Variants in DSC1 observed in about 807,000 individuals in gnomAD.
The protein encoded by DSC1 is desmocollin-1.
Under a neutral mutation model 98.8 loss-of-function variants are expected in DSC1, and 79 were observed. The ratio of observed to expected loss-of-function variants is 0.80; its 90% CI spans 0.67 to 0.96. The LOEUF is 0.96. DSC1 is among the 50% of genes least tolerant of loss of function. DSC1 has a pLI of 0.00. For synonymous variants in DSC1, 405 were observed against 372.1 expected (o/e 1.09, Z -1.02); for missense variants, 1,115 against 1,075.9 (o/e 1.04, Z -0.51).
At chr18:31,134,247 T>C (rs901222869) in intron 12 of DSC1, 117 bp from the exon 13 acceptor site, 28 of 1,356,942 alleles carry the variant, frequency 2.1e-5, no homozygotes, top group Non-Finnish European at 2.6e-5. Flanking sequence ...AATTTTTCTT[T>C]TTTTTTTTGA....
intron 5 of DSC1, among the ~76,000 whole-genome samples, chr18:31,154,568 C>A (rs1598628757): frequency 1.3e-5 from 2 of 152,158 alleles, no homozygotes; most frequent in South Asian, 2.1e-4. Flanking sequence ...GTTATATTTT[C>A]TTTACCTCCC....
At chr18:31,134,947 T>C (rs1213996883) in intron 11 of DSC1, among the ~76,000 whole-genome samples, 163 bp from the exon 12 acceptor site, 2 of 152,150 alleles carry the variant, frequency 1.3e-5, no homozygotes, top group African/African-American at 2.4e-5. Context: ...AATAGGGACA[T>C]GTCACTTTTC....
chr18:31,147,617 A>G (rs755342297), intron 6 of DSC1, among the ~76,000 whole-genome samples: 37 of 152,148 alleles, frequency 2.4e-4, no homozygotes, highest in Admixed American at 7.2e-4. Flanking sequence ...GCAAAAATCT[A>G]GTGTTTTCCT....
intron 5 of DSC1, among the ~76,000 whole-genome samples, chr18:31,150,421 GCTACCACTATTACCATCACCACCACTAC>G (rs1988973776): frequency 2.5e-4 from 1 of 4,068 alleles, no homozygotes; most frequent in Non-Finnish European, 5.0e-4. Flanking sequence ...CATCATCACT[GCTACCACTATTACCATCACCACCACTAC>G]CACCACCACC....
intron 7 of DSC1, among the ~76,000 whole-genome samples, chr18:31,144,103 T>C (rs1988793230): frequency 6.6e-6 from 1 of 151,726 alleles, no homozygotes; most frequent in Admixed American, 6.6e-5. Context: ...AGAGACAGGG[T>C]TTTACTGTGT....
rs1567994476 is a variant in DSC1, at chr18:31,130,332, G to A, written c.*182C>T. ...TTAACAAACAAAACCTTGATTTCTA[G>A]AGAACATGGAAGTTATACCAGACAA... On this transcript the variant is annotated 3_prime_UTR_variant, in exon 16 of 16. Transcript: ENST00000257198. 1.5e-6 allele frequency: 1 copy of A among 663,988 alleles called. No homozygotes were observed. The highest frequency in any genetic ancestry group is 2.7e-5 in the East Asian group (1 of 36,484). 41.1% of individuals were successfully genotyped at this position (663,988 alleles called of 1,614,324 possible).
chr18:31,148,741 ATC>A, intron 5 of DSC1, 99 bp from the exon 6 acceptor site: 5 of 1,194,684 alleles, frequency 4.2e-6, no homozygotes, highest in Non-Finnish European at 5.7e-6. Context: ...AAAAAAAAAA[ATC>A]ATTCCCAAAG....
rs1988791486 is a variant in DSC1, at chr18:31,143,999, T to C, written c.940-208A>G. Among the ~76,000 whole-genome samples, 3 of 152,206 alleles carry C rather than the reference T, an allele frequency of 2.0e-5. No individual in the cohort carries two copies. The South Asian group carries it at 6.2e-4, about 32-fold the overall frequency. On this transcript the variant is annotated intron_variant, in intron 7 of 15. Coordinates refer to ENST00000257198, the MANE Select transcript of DSC1 (RefSeq NM_024421.2). ...ATCTTGGCTCACAGCAACCTCTGCCTCCCAGGTTCAAGCAATTCTCCTACC... is the reference window on the plus strand; with the variant it reads ...ATCTTGGCTCACAGCAACCTCTGCCCCCCAGGTTCAAGCAATTCTCCTACC...
chr18:31,160,324 AACTGCTT>A (rs1989186042), intron 1 of DSC1, among the ~76,000 whole-genome samples: 1 of 152,316 alleles, frequency 6.6e-6, no homozygotes, highest in South Asian at 2.1e-4. Context: ...TTATCAAAAT[AACTGCTT>A]TTTTATTATT....
intron 11 of DSC1, among the ~76,000 whole-genome samples, chr18:31,139,238 A>T (rs1196882922): frequency 6.6e-6 from 1 of 152,152 alleles, no homozygotes; most frequent in Admixed American, 6.6e-5. Context: ...ATTGCAAATC[A>T]CCATAAAAGA....
intron 10 of DSC1, 51 bp from the exon 11 acceptor site, chr18:31,139,941 T>C: frequency 1.3e-6 from 2 of 1,565,510 alleles, no homozygotes; most frequent in Non-Finnish European, 1.7e-6. Flanking sequence ...AGGGACATGA[T>C]CTTAAAATCT....
At chr18:31,137,221 C>T (rs568140875) in intron 11 of DSC1, among the ~76,000 whole-genome samples, 113 of 152,154 alleles carry the variant, frequency 7.4e-4, no homozygotes, top group Admixed American at 1.2e-3. Flanking sequence ...CTAATGATTT[C>T]CTGTAATTTG....
chr18:31,162,410 G>C, intron 1 of DSC1, 122 bp downstream of exon 1: 1 of 911,430 alleles, frequency 1.1e-6, no homozygotes, highest in Non-Finnish European at 1.7e-6. Flanking sequence ...ATCTGCTTTT[G>C]TTTTCCCCAA....
At chr18:31,152,747 C>T (rs1989025489) in intron 5 of DSC1, among the ~76,000 whole-genome samples, 1 of 151,990 alleles carries the variant, frequency 6.6e-6, no homozygotes, top group Admixed American at 6.6e-5. Flanking sequence ...TTAGGATCTA[C>T]CAATTCCCAG....
At chr18:31,151,974 G>A (rs572283640) in intron 5 of DSC1, among the ~76,000 whole-genome samples, 4 of 152,058 alleles carry the variant, frequency 2.6e-5, no homozygotes, top group South Asian at 2.1e-4. Flanking sequence ...CCAGCCTGGC[G>A]AACATGGTGG....
chr18:31,137,442 T>C (rs1988635193), intron 11 of DSC1, among the ~76,000 whole-genome samples: 1 of 152,166 alleles, frequency 6.6e-6, no homozygotes. Flanking sequence ...CAGTGAAATG[T>C]ATAACGTGGA....
In DSC1 at chr18:31,157,437, G is replaced by A. The variant is rs770260276; in HGVS notation, c.285C>T (p.Phe95=). The A allele has an allele frequency of 2.3e-5, 37 of 1,614,144 alleles. 1 individual carries two copies. The South Asian group carries it at 2.4e-4, about 11-fold the overall frequency. The part of the protein sequence containing the change: ...LSSERKSFSI[F]LSDGQRREQQ... ...GTTCCCGTCTCTGACCATCTGAAAG[G>A]AAAATGGAAAAACTTTTCCTTTCAG... The change falls in exon 3 of 16, where the codon TTC becomes TTT. Residue 95 remains phenylalanine, a synonymous_variant. Coordinates refer to ENST00000257198, the MANE Select transcript of DSC1 (RefSeq NM_024421.2).
At chr18:31,159,047 G>GTTTTTTTTTTTTTTTTTTTT (rs560889140) in intron 2 of DSC1, among the ~76,000 whole-genome samples, 4 of 71,072 alleles carry the variant, frequency 5.6e-5, no homozygotes, top group African/African-American at 1.2e-4. Context: ...CTACTATGTG[G>GTTTTTTTTTTTTTTTTTTTT]TTTTTTTTTT....
chr18:31,154,935 G>A lies in DSC1; in HGVS notation c.472-6C>T. On this transcript the variant is annotated splice_polypyrimidine_tract_variant and splice_region_variant and intron_variant, in intron 4 of 15. Transcript: ENST00000257198. ...TGTGCAGCATCAGATTGGATCTGCA[G>A]TAATAATTTAGGAATAGAACAAATA... 1 of 1,611,838 alleles carries A rather than the reference G, an allele frequency of 6.2e-7. No individual in the cohort carries two copies. The highest frequency in any genetic ancestry group is 8.5e-7 in the Non-Finnish European group (1 of 1,179,450).
Sources: allele counts gnomAD v4.1 joint callset (sites outside exome capture counted in the v4.1 genomes callset), GRCh38; gene constraint gnomAD v4.1.1; transcripts MANE v1.5; gene names NCBI Gene and HGNC (gene_info 2026-07-23, HGNC 2026-07-21).